CMYA5: variants seen among roughly 807,000 people sequenced by gnomAD.
CMYA5 encodes cardiomyopathy associated 5.
CMYA5 carries 246 observed loss-of-function variants against 318.9 expected under a neutral mutation model. The ratio of observed to expected loss-of-function variants is 0.77; its 90% CI spans 0.70 to 0.86. CMYA5 has a LOEUF of 0.86. CMYA5 is among the 40% of genes least tolerant of loss of function. The probability of loss-of-function intolerance (pLI) is 0.00; values close to 1 mark genes in which losing one functional copy is unlikely to be tolerated. For missense variants in CMYA5, 4,589 were observed against 4,678.2 expected, an observed-to-expected ratio of 0.98 and a Z score of 0.56; for synonymous variants, 1,641 against 1,729.5, an observed-to-expected ratio of 0.95 and a Z score of 1.27.
At chr5:79,758,949 C>T in intron 7 of CMYA5, 47 bp downstream of exon 7, 1 of 1,412,698 alleles carries the variant, frequency 7.1e-7, no homozygotes, top group East Asian at 2.5e-5. Flanking sequence ...ATTCATGCAT[C>T]TTCATGTGAA....
intron 8 of CMYA5, chr5:79,762,255 G>C: frequency 3.5e-6 from 1 of 288,004 alleles, no homozygotes; most frequent in Non-Finnish European, 6.5e-6. Context: ...GGCAGGGGCA[G>C]GATCGGAACT....
chr5:79,710,579 T>C (rs1035699808), intron 1 of CMYA5, among the ~76,000 whole-genome samples: 3 of 152,186 alleles, frequency 2.0e-5, no homozygotes, highest in South Asian at 2.1e-4. Flanking sequence ...GAATGAAGAA[T>C]GCTGATATAT....
chr5:79,716,762 G>A (rs1281127312), intron 1 of CMYA5, among the ~76,000 whole-genome samples: 5 of 152,146 alleles, frequency 3.3e-5, no homozygotes, highest in Non-Finnish European at 7.3e-5. Flanking sequence ...ACAGGTGAGG[G>A]CTTAGGTAAG....
At chr5:79,751,366 A>G (rs148147498) in intron 5 of CMYA5, among the ~76,000 whole-genome samples, 271 of 152,136 alleles carry the variant, frequency 1.8e-3, no homozygotes, top group African/African-American at 6.3e-3. Flanking sequence ...CCCTTCTTCT[A>G]TCTGCAATGC....
intron 1 of CMYA5, among the ~76,000 whole-genome samples, chr5:79,710,667 T>A (rs2151078214): frequency 6.6e-6 from 1 of 152,278 alleles, no homozygotes; most frequent in African/African-American, 2.4e-5. Context: ...TTCCTATATA[T>A]CCTACAGTGA....
At chr5:79,770,599 C>T (rs1828837942) in intron 9 of CMYA5, among the ~76,000 whole-genome samples, 1 of 152,138 alleles carries the variant, frequency 6.6e-6, no homozygotes, top group South Asian at 2.1e-4. Context: ...TGCTTCTGCT[C>T]ACCCTCCATG....
In CMYA5 at chr5:79,733,601, T is replaced by C; in HGVS notation, c.4836T>C (p.Asp1612=). The C allele has an allele frequency of 6.2e-7, 1 of 1,613,700 alleles. No homozygotes were observed. The highest frequency in any genetic ancestry group is 1.1e-5 in the South Asian group (1 of 91,078). Residue 1612 remains aspartate, a synonymous_variant, in exon 2 of 13, where the codon GAT becomes GAC. Coordinates refer to ENST00000446378, the MANE Select transcript of CMYA5 (RefSeq NM_153610.5). ...GAGACTTCCCATCAGAAAAACAAGA[T>C]GTTGCTTTGGCAGAGCTGTCTTTGG... ...AQGDFPSEKQ[D]VALAELSLEP... is the part of the protein sequence containing the mutation.
At chr5:79,705,440 G>A (rs570328149) in intron 1 of CMYA5, among the ~76,000 whole-genome samples, 5 of 149,490 alleles carry the variant, frequency 3.3e-5, no homozygotes, top group African/African-American at 1.2e-4. Context: ...TTTACAATCA[G>A]GAATGTTTTG....
At chr5:79,785,160 A>G (rs1438970509) in intron 9 of CMYA5, among the ~76,000 whole-genome samples, 1 of 151,862 alleles carries the variant, frequency 6.6e-6, no homozygotes, top group African/African-American at 2.4e-5. Flanking sequence ...TAATCTGTCT[A>G]TTGATCCATC....
chr5:79,752,572 C>CA, intron 5 of CMYA5, 104 bp from the exon 6 acceptor site: 1 of 713,462 alleles, frequency 1.4e-6, no homozygotes, highest in Non-Finnish European at 2.3e-6. Context: ...CTGCCTTATG[C>CA]AAACCACCAC....
At chr5:79,748,891 A>G (rs1248817264) in intron 5 of CMYA5, among the ~76,000 whole-genome samples, 2 of 152,216 alleles carry the variant, frequency 1.3e-5, no homozygotes, top group Admixed American at 6.5e-5. Flanking sequence ...CATTCCATCT[A>G]TACTGGACAG....
intron 9 of CMYA5, among the ~76,000 whole-genome samples, chr5:79,786,314 A>G (rs559118024): frequency 5.9e-5 from 9 of 152,338 alleles, no homozygotes; most frequent in Non-Finnish European, 1.3e-4. Flanking sequence ...CCATTGCACT[A>G]TGGCACTTGT....
chr5:79,762,755 G>A, intron 8 of CMYA5: 1 of 274,680 alleles, frequency 3.6e-6, no homozygotes, highest in East Asian at 7.2e-5. Context: ...TGTGTACTGG[G>A]ACAGGGGAAA....
intron 1 of CMYA5, among the ~76,000 whole-genome samples, chr5:79,714,657 C>T (rs1475030508): frequency 6.6e-6 from 1 of 151,954 alleles, no homozygotes; most frequent in African/African-American, 2.4e-5. Flanking sequence ...TTGGGCTGGT[C>T]TTAAACTCCT....
At chr5:79,774,880 T>TA (rs1828912651) in intron 9 of CMYA5, among the ~76,000 whole-genome samples, 1 of 152,188 alleles carries the variant, frequency 6.6e-6, no homozygotes, top group Non-Finnish European at 1.5e-5. Context: ...GAGTGAGGAA[T>TA]CCCAGCATTT....
chr5:79,790,553 G>A lies in CMYA5; in HGVS notation c.11690-417G>A, dbSNP rs928794183. Reference sequence around the variant, plus strand: ...CAAAGTGCTGGGATTACAGGCGTGAGCCACCTCACCCGGCCTGTATCCCCC... The same window carrying A: ...CAAAGTGCTGGGATTACAGGCGTGAACCACCTCACCCGGCCTGTATCCCCC... On this transcript the variant is annotated intron_variant, in intron 10 of 12. Transcript: ENST00000446378. Among the ~76,000 whole-genome samples, 6 of 152,228 alleles carry A rather than the reference G, an allele frequency of 3.9e-5. No homozygotes were observed. In the East Asian group the frequency reaches 7.7e-4, roughly 20 times the overall value.
chr5:79,731,069 A>G lies in CMYA5; in HGVS notation c.2304A>G (p.Pro768=). 1 of 1,614,002 alleles carries G rather than the reference A, an allele frequency of 6.2e-7. No homozygotes were observed. The highest frequency in any genetic ancestry group is 8.5e-7 in the Non-Finnish European group (1 of 1,179,892). ...AAAAGACTTCTGAATGCCAGTCACC[A>G]CTGCCTTCTACTGCCACATCAGAAC... is the stretch of plus-strand genomic sequence containing the variant. ...TTEKTSECQS[P]LPSTATSEHV... The change falls in exon 2 of 13, where the codon CCA becomes CCG. Residue 768 remains proline (P), a synonymous_variant. Coordinates refer to ENST00000446378, the MANE Select transcript of CMYA5 (RefSeq NM_153610.5).
At chr5:79,785,702 A>G (rs1829071255) in intron 9 of CMYA5, among the ~76,000 whole-genome samples, 1 of 152,124 alleles carries the variant, frequency 6.6e-6, no homozygotes, top group Admixed American at 6.5e-5. Context: ...AAATGGTCCC[A>G]TCATCTGCAA....
chr5:79,703,524 T>C (rs1439062293), intron 1 of CMYA5, among the ~76,000 whole-genome samples: 1 of 152,240 alleles, frequency 6.6e-6, no homozygotes, highest in Non-Finnish European at 1.5e-5. Context: ...TAATTCCTTC[T>C]AAAGCCTTTT....
Sources: allele counts gnomAD v4.1 joint callset (sites outside exome capture counted in the v4.1 genomes callset), GRCh38; gene constraint gnomAD v4.1.1; transcripts MANE v1.5; gene names NCBI Gene and HGNC (gene_info 2026-07-23, HGNC 2026-07-21).